Variants in EPB41L3 observed in about 807,000 individuals in gnomAD.
The protein encoded by EPB41L3 is band 4.1-like protein 3.
EPB41L3 carries 57 observed loss-of-function variants against 127.1 expected under a neutral mutation model. The observed-to-expected ratio is 0.45, with a 90% CI of 0.36 to 0.56. The LOEUF (loss-of-function observed/expected upper bound fraction) is 0.56, where lower values mean the gene tolerates loss of function less well. Among genes scored for constraint, EPB41L3 ranks in the 20% least tolerant of loss-of-function variants. The pLI, the probability that EPB41L3 is intolerant of heterozygous loss-of-function variation, is 0.00. For missense variants in EPB41L3, 1,273 were observed against 1,372.2 expected, an observed-to-expected ratio of 0.93 and a Z score of 1.14; for synonymous variants, 572 against 549.5, an observed-to-expected ratio of 1.04 and a Z score of -0.57.
At chr18:5,625,321 G>C (rs1424674765) in intron 1 of EPB41L3, among the ~76,000 whole-genome samples, 3 of 151,922 alleles carry the variant, frequency 2.0e-5, no homozygotes, top group Non-Finnish European at 4.4e-5. Context: ...GACTGGTGGG[G>C]ATCTGATAGA....
chr18:5,505,696 A>C (rs1450796559), intron 1 of EPB41L3, among the ~76,000 whole-genome samples: 2 of 72,184 alleles, frequency 2.8e-5, no homozygotes, highest in African/African-American at 5.7e-5. Context: ...CTTCACCTCC[A>C]CCCCTTCCCT....
rs2079313158 is a variant in EPB41L3, at chr18:5,433,638, T to C, written c.825-82A>G. On this transcript the variant is annotated intron_variant, in intron 7 of 22. Coordinates refer to ENST00000341928, the MANE Select transcript of EPB41L3 (RefSeq NM_012307.5). The stretch of plus-strand genomic sequence containing the variant: ...ATATTTCCCACTTAGTTCCATGCTA[T>C]CTCATAAGAAGTCCTATGGAGGCAC... 3.1e-6 allele frequency: 4 copies of C among 1,282,948 alleles called. No homozygotes were observed. The Admixed American group carries it at 7.8e-5, about 25-fold the overall frequency. 79.5% of individuals were successfully genotyped at this position (1,282,948 alleles called of 1,614,324 possible).
intron 2 of EPB41L3, among the ~76,000 whole-genome samples, chr18:5,484,208 A>T (rs1264309015): frequency 6.6e-6 from 1 of 151,334 alleles, no homozygotes; most frequent in African/African-American, 2.4e-5. Flanking sequence ...GAAAATACAC[A>T]AACACATGGA....
At chr18:5,407,418 G>A in intron 15 of EPB41L3, 1 of 509,616 alleles carries the variant, frequency 2.0e-6, no homozygotes, top group Non-Finnish European at 3.5e-6. Context: ...GACATGCACT[G>A]GTATATACCA....
chr18:5,514,574 G>A (rs1447525558), intron 1 of EPB41L3, among the ~76,000 whole-genome samples: 1 of 152,168 alleles, frequency 6.6e-6, no homozygotes, highest in Admixed American at 6.5e-5. Flanking sequence ...GATACTAAAT[G>A]TGTGTATCTG....
intron 1 of EPB41L3, among the ~76,000 whole-genome samples, chr18:5,505,419 GCCTCTGTCC>G (rs2092069661): frequency 6.6e-6 from 1 of 151,574 alleles, no homozygotes; most frequent in South Asian, 2.1e-4. Flanking sequence ...CCACGCTTTC[GCCTCTGTCC>G]CCCTTCACCA....
At chr18:5,604,653 C>T (rs1027787897) in intron 3 of EPB41L3, among the ~76,000 whole-genome samples, 11 of 152,024 alleles carry the variant, frequency 7.2e-5, no homozygotes, top group African/African-American at 2.4e-4. Flanking sequence ...GGGGTTTCAC[C>T]ATGTTGGCCA....
intron 2 of EPB41L3, chr18:5,614,214 A>T (rs1478576204): frequency 6.6e-6 from 1 of 152,260 alleles, no homozygotes; most frequent in African/African-American, 2.4e-5. Context: ...ATAGTTGTAC[A>T]GAATTATTAA....
At chr18:5,500,067 C>G (rs1483024956) in intron 1 of EPB41L3, among the ~76,000 whole-genome samples, 5 of 152,194 alleles carry the variant, frequency 3.3e-5, no homozygotes, top group African/African-American at 1.2e-4. Flanking sequence ...TTAAAACAGA[C>G]TGAGCCTACA....
intron 1 of EPB41L3, chr18:5,540,386 G>A (rs1568538966): frequency 1.0e-6 from 1 of 985,388 alleles, no homozygotes; most frequent in Non-Finnish European, 1.2e-6. Flanking sequence ...TGATTGATCA[G>A]GCAAAGTTTT....
chr18:5,565,617 C>G (rs1394367289), intron 3 of EPB41L3, among the ~76,000 whole-genome samples: 1 of 118,386 alleles, frequency 8.4e-6, no homozygotes, highest in Non-Finnish European at 1.7e-5. Flanking sequence ...CCCCCTCCCC[C>G]CTCCCCCCAC....
intron 2 of EPB41L3, 169 bp downstream of exon 2, chr18:5,488,832 T>C (rs1047316283): frequency 3.1e-6 from 2 of 647,230 alleles, no homozygotes; most frequent in Non-Finnish European, 4.8e-6. Flanking sequence ...TTGTGGAATG[T>C]CATTCACTGA....
intron 3 of EPB41L3, among the ~76,000 whole-genome samples, chr18:5,462,483 C>G (rs2084195701): frequency 6.6e-6 from 1 of 152,184 alleles, no homozygotes; most frequent in African/African-American, 2.4e-5. Flanking sequence ...TATCAGGATG[C>G]TTTTCTACGC....
intron 9 of EPB41L3, among the ~76,000 whole-genome samples, chr18:5,425,181 T>C (rs998159671): frequency 2.0e-5 from 3 of 152,134 alleles, no homozygotes; most frequent in South Asian, 2.1e-4. Context: ...CTATAATCAA[T>C]AGCAAAAATC....
chr18:5,566,782 CTATT>C (rs1568584081), intron 3 of EPB41L3, among the ~76,000 whole-genome samples: 126 of 132,576 alleles, frequency 9.5e-4, no homozygotes, highest in African/African-American at 2.0e-3. Context: ...CTATTCTATT[CTATT>C]CTATTCCATT....
At chr18:5,429,564 C>T (rs917584629) in intron 8 of EPB41L3, among the ~76,000 whole-genome samples, 1 of 152,120 alleles carries the variant, frequency 6.6e-6, no homozygotes, top group East Asian at 1.9e-4. Context: ...GGTCTGCTGT[C>T]AATGCAAGGC....
intron 14 of EPB41L3, among the ~76,000 whole-genome samples, chr18:5,408,378 A>G (rs1206625356): frequency 6.6e-6 from 1 of 151,184 alleles, no homozygotes; most frequent in Non-Finnish European, 1.5e-5. Flanking sequence ...GGTTCAAGCA[A>G]TTCTCCTGCC....
At chr18:5,609,298 TATA>T (rs2094699123) in intron 3 of EPB41L3, among the ~76,000 whole-genome samples, 1 of 152,212 alleles carries the variant, frequency 6.6e-6, no homozygotes, top group Admixed American at 6.5e-5. Context: ...CCAGCCTCTT[TATA>T]ATATCATACC....
At chr18:5,457,920 C>G (rs1463392418) in intron 3 of EPB41L3, among the ~76,000 whole-genome samples, 1 of 152,118 alleles carries the variant, frequency 6.6e-6, no homozygotes, top group Non-Finnish European at 1.5e-5. Flanking sequence ...GTCAGGGGGG[C>G]ACTTTTATTT....
Sources: allele counts gnomAD v4.1 joint callset (sites outside exome capture counted in the v4.1 genomes callset), GRCh38; gene constraint gnomAD v4.1.1; transcripts MANE v1.5; gene names NCBI Gene and HGNC (gene_info 2026-07-23, HGNC 2026-07-21).